The following LRBA variants were observed in gnomAD, a reference collection of about 807,000 sequenced individuals.
LRBA encodes lipopolysaccharide-responsive and beige-like anchor protein.
Under a neutral mutation model 330.0 loss-of-function variants are expected in LRBA, and 176 were observed. That is an observed-to-expected ratio of 0.53 (90% CI 0.47 to 0.60). The LOEUF (loss-of-function observed/expected upper bound fraction) is 0.60. LRBA is among the 20% of genes least tolerant of loss of function. The pLI, the probability that LRBA is intolerant of heterozygous loss-of-function variation, is 0.00. For synonymous variants in LRBA, 1,230 were observed against 1,193.0 expected, an observed-to-expected ratio of 1.03 and a Z score of -0.64; for missense variants, 3,259 against 3,444.8, an observed-to-expected ratio of 0.95 and a Z score of 1.35.
chr4:150,559,208 T>A (rs1234804454), intron 40 of LRBA, among the ~76,000 whole-genome samples: 1 of 152,182 alleles, frequency 6.6e-6, no homozygotes, highest in African/African-American at 2.4e-5. Flanking sequence ...GCCTGAAGAA[T>A]TGTTTCAGAT....
At chr4:150,582,779 T>C in intron 40 of LRBA, 2 of 449,278 alleles carry the variant, frequency 4.5e-6, no homozygotes. Context: ...GGTACTTTTC[T>C]TTTTAGAAAA....
chr4:150,639,209 A>G (rs1421809848), intron 37 of LRBA, among the ~76,000 whole-genome samples: 1 of 85,658 alleles, frequency 1.2e-5, no homozygotes, highest in Non-Finnish European at 2.3e-5. Flanking sequence ...GTGGTGGGGT[A>G]GGGGAAGGGG....
chr4:150,377,915 G>A (rs1217214868), intron 47 of LRBA, among the ~76,000 whole-genome samples: 1 of 149,276 alleles, frequency 6.7e-6, no homozygotes, highest in African/African-American at 2.5e-5. Flanking sequence ...AGGTTGCAGT[G>A]AGCGGAGATC....
intron 56 of LRBA, among the ~76,000 whole-genome samples, chr4:150,277,272 G>A (rs899070996): frequency 1.3e-5 from 2 of 151,712 alleles, no homozygotes; most frequent in African/African-American, 4.8e-5. Context: ...GCCTGTTGTG[G>A]GGGTGGGGGC....
chr4:150,368,130 G>A (rs1561075690), intron 47 of LRBA, among the ~76,000 whole-genome samples: 1 of 151,900 alleles, frequency 6.6e-6, no homozygotes, highest in African/African-American at 2.4e-5. Flanking sequence ...TCAAGGTGCC[G>A]GTTCCAGATT....
At chr4:150,492,518 AC>A (rs1351015466) in intron 40 of LRBA, among the ~76,000 whole-genome samples, 2 of 152,226 alleles carry the variant, frequency 1.3e-5, no homozygotes, top group East Asian at 3.9e-4. Flanking sequence ...CAGAGATACC[AC>A]CAGTTGGTCT....
chr4:150,459,202 A>C (rs1754457876), intron 44 of LRBA, among the ~76,000 whole-genome samples: 2 of 151,894 alleles, frequency 1.3e-5, no homozygotes, highest in African/African-American at 4.8e-5. Context: ...ACGACTTGGT[A>C]CTTAAAGCTT....
intron 31 of LRBA, among the ~76,000 whole-genome samples, chr4:150,812,567 C>T (rs1439839255): frequency 1.3e-5 from 2 of 152,066 alleles, no homozygotes; most frequent in African/African-American, 4.8e-5. Context: ...TCTACATGCC[C>T]AGTAAAAACT....
intron 37 of LRBA, among the ~76,000 whole-genome samples, chr4:150,639,777 ATATATGTGTG>A (rs1443348846): frequency 7.6e-4 from 3 of 3,952 alleles, no homozygotes; most frequent in Admixed American, 2.6e-3. Context: ...ATATATATAT[ATATATGTGTG>A]TGTGTATATA....
chr4:150,877,827 C>A (rs959093128), intron 17 of LRBA, among the ~76,000 whole-genome samples: 1 of 152,172 alleles, frequency 6.6e-6, no homozygotes, highest in Non-Finnish European at 1.5e-5. Context: ...TCATGCCAAC[C>A]ATATTCTCAG....
chr4:150,494,554 A>G (rs901942290), intron 40 of LRBA, among the ~76,000 whole-genome samples: 4 of 152,226 alleles, frequency 2.6e-5, no homozygotes, highest in Non-Finnish European at 4.4e-5. Flanking sequence ...TTGTTACAAG[A>G]TTTTTCATGT....
Position 151,014,584 on chromosome 4 carries a change from C to A in LRBA, c.59G>T (p.Gly20Val). 3.7e-6 allele frequency: 6 copies of A among 1,611,998 alleles called. No individual in the cohort carries two copies. Among genetic ancestry groups the A allele is most frequent in the Non-Finnish European group, 5.1e-6 (6 of 1,178,994 alleles). ...AGTAGGGGTTTCTTCTCTCCCTCCA[C>A]CTCCCCCGTCATCACCTGTTGGTGG... ...SPPPTGDDGG[G>V]GGREETPTEG... is the part of the protein sequence containing the mutation. Residue 20 changes from glycine (G) to valine (V), a missense_variant, in exon 2 of 57, where the codon GGT (glycine) becomes GTT (valine). By Grantham distance (109) the Gly-to-Val change is moderately radical (BLOSUM62 -3). Coordinates refer to ENST00000651943, the MANE Select transcript of LRBA (RefSeq NM_001364905.1).
intron 37 of LRBA, among the ~76,000 whole-genome samples, chr4:150,636,015 T>A (rs1413520140): frequency 6.6e-6 from 1 of 152,152 alleles, no homozygotes; most frequent in Non-Finnish European, 1.5e-5. Flanking sequence ...ATGATTAGAC[T>A]CAGACTAGGC....
intron 34 of LRBA, among the ~76,000 whole-genome samples, chr4:150,797,386 T>C (rs1740943904): frequency 6.6e-6 from 1 of 151,890 alleles, no homozygotes; most frequent in African/African-American, 2.4e-5. Flanking sequence ...GGGAATTTAC[T>C]ACCACCAAGA....
chr4:150,583,248 A>C lies in LRBA; in HGVS notation c.6330+4800T>G. The C allele has an allele frequency of 6.2e-7, 1 of 1,614,212 alleles. No homozygotes were observed. Among genetic ancestry groups the C allele is most frequent in the Non-Finnish European group, 8.5e-7 (1 of 1,180,042 alleles). On this transcript the variant is annotated intron_variant, in intron 40 of 56. Transcript: ENST00000651943. The surrounding 1 kb of genome is among the most constrained non-coding windows in gnomAD (Gnocchi z 9.8). ...GGCTCGAGGTCATTTCGCCCACCGA[A>C]TTTGAGGTGGTGCTCTACCTAAACC... is the stretch of plus-strand genomic sequence containing the variant.
rs1236055394 is a variant in LRBA, at chr4:150,726,557, T to C, written c.5754+8701A>G. On this transcript the variant is annotated intron_variant, in intron 36 of 56. Transcript: ENST00000651943. Reference sequence around the variant, plus strand: ...GAGGTTTAATTGACTCACAGATCCATGTGGTTGGGAGGCCTCAGGAAACTT... The same window carrying C: ...GAGGTTTAATTGACTCACAGATCCACGTGGTTGGGAGGCCTCAGGAAACTT... 4.6e-5 allele frequency among the ~76,000 whole-genome samples: 7 copies of C among 152,294 alleles called. No homozygotes were observed. In the South Asian group the frequency reaches 1.2e-3, roughly 27 times the overall value.
chr4:150,598,895 C>A, intron 38 of LRBA, 112 bp downstream of exon 38: 4 of 1,265,308 alleles, frequency 3.2e-6, no homozygotes, highest in Non-Finnish European at 3.3e-6. Flanking sequence ...TATGAACAAC[C>A]ATAAAATGTG....
At chr4:150,750,596 T>C (rs1422273360) in intron 35 of LRBA, among the ~76,000 whole-genome samples, 6 of 152,006 alleles carry the variant, frequency 3.9e-5, no homozygotes, top group Admixed American at 3.9e-4. Context: ...TACAGGTGCA[T>C]ACTACCCAAT....
chr4:150,584,193 G>T (rs1771792198), intron 40 of LRBA: 6 of 1,387,560 alleles, frequency 4.3e-6, no homozygotes, highest in Non-Finnish European at 5.7e-6. Context: ...AGAAACTCTG[G>T]ACACAAACTT....
Sources: gnomAD v4.1 joint callset for allele counts (sites outside exome capture counted in the v4.1 genomes callset) on GRCh38, gnomAD v4.1.1 for gene constraint, Gnocchi (gnomAD v3.1) non-coding constraint, MANE v1.5 for transcripts, NCBI Gene and HGNC (gene_info 2026-07-23, HGNC 2026-07-21) for gene names.